LRRIQ1: variants seen among roughly 807,000 people sequenced by gnomAD.
LRRIQ1 encodes leucine-rich repeat- and IQ domain-containing protein 1.
Under a neutral mutation model 211.9 loss-of-function variants are expected in LRRIQ1, and 210 were observed. That is an observed-to-expected ratio of 0.99 (90% confidence interval 0.89 to 1.11). The LOEUF (loss-of-function observed/expected upper bound fraction) is 1.11. LRRIQ1 is among the 50% of genes most tolerant of loss of function. The probability of loss-of-function intolerance (pLI) is 0.00; values close to 1 mark genes in which losing one functional copy is unlikely to be tolerated. For missense variants in LRRIQ1, 2,136 were observed against 1,939.5 expected (o/e 1.10, Z -1.90); for synonymous variants, 699 against 650.1 (o/e 1.08, Z -1.14).
chr12:85,150,179 G>A (rs1031246701), intron 19 of LRRIQ1, among the ~76,000 whole-genome samples: 8 of 151,644 alleles, frequency 5.3e-5, no homozygotes, highest in East Asian at 1.9e-4. Flanking sequence ...AGTGCTGGTC[G>A]TTTTCCATAA....
intron 2 of LRRIQ1, 67 bp from the exon 3 acceptor site, chr12:85,040,423 C>A: frequency 1.1e-6 from 1 of 912,164 alleles, no homozygotes; most frequent in South Asian, 2.0e-5. Context: ...AATGAAGGGT[C>A]CAAAATTTGA....
Position 85,124,124 on chromosome 12 carries a change from G to T in LRRIQ1, c.3612G>T (p.Leu1204Phe). Residue 1204 changes from leucine to phenylalanine, a missense_variant, in exon 17 of 27, where the codon TTG (leucine) becomes TTT (phenylalanine). By Grantham distance (22) the Leu-to-Phe change is conservative (BLOSUM62 0). Coordinates refer to ENST00000393217, the MANE Select transcript of LRRIQ1 (RefSeq NM_001079910.2). ...ATCTCTGTCATTATTTTAAGAAATTGATGATACTTAGTACTGAATACCGAC... is the reference window on the plus strand; with the variant it reads ...ATCTCTGTCATTATTTTAAGAAATTTATGATACTTAGTACTGAATACCGAC... ...AENLCHYFKK[L>F]MILSTEYRHA... 2 of 1,613,866 alleles carry T rather than the reference G, an allele frequency of 1.2e-6. No individual in the cohort carries two copies. The highest frequency in any genetic ancestry group is 1.1e-5 in the South Asian group (1 of 91,074).
chr12:85,272,259 T>A, the LRRIQ1 span, among the ~76,000 whole-genome samples: 1 of 152,140 alleles, frequency 6.6e-6, no homozygotes, highest in African/African-American at 2.4e-5. Flanking sequence ...AGCTAAATAT[T>A]CAAAGTTTTA....
At chr12:85,141,809 TTGTTCTA>T (rs1889562166) in intron 19 of LRRIQ1, among the ~76,000 whole-genome samples, 1 of 151,254 alleles carries the variant, frequency 6.6e-6, no homozygotes, top group Admixed American at 6.6e-5. Flanking sequence ...TGTTTTCTAT[TTGTTCTA>T]TGTTGATTTT....
intron 18 of LRRIQ1, among the ~76,000 whole-genome samples, chr12:85,130,622 C>G (rs1011316): frequency 2.6e-5 from 4 of 151,896 alleles, no homozygotes; most frequent in Non-Finnish European, 5.9e-5. Context: ...TATTACTTCA[C>G]ATCATTGAAG....
intron 1 of LRRIQ1, among the ~76,000 whole-genome samples, chr12:85,256,315 TTTAG>T (rs1234821046): frequency 6.6e-6 from 1 of 151,726 alleles, no homozygotes; most frequent in Non-Finnish European, 1.5e-5. Flanking sequence ...ACTGTAATAT[TTTAG>T]TTCTTATCCA....
intron 18 of LRRIQ1, among the ~76,000 whole-genome samples, chr12:85,131,837 G>A (rs1004509382): frequency 2.0e-5 from 3 of 152,100 alleles, no homozygotes; most frequent in East Asian, 3.9e-4. Context: ...GAGAAAGAGA[G>A]ATGAGTTAAT....
chr12:85,229,732 A>G (rs1177573859), intron 25 of LRRIQ1, 83 bp downstream of exon 25: 1 of 1,419,178 alleles, frequency 7.0e-7, no homozygotes, highest in Non-Finnish European at 9.7e-7. Flanking sequence ...TGCTAAAACA[A>G]ACATGACTTT....
intron 19 of LRRIQ1, among the ~76,000 whole-genome samples, chr12:85,144,948 G>GT (rs1027031691): frequency 3.3e-5 from 5 of 150,554 alleles, no homozygotes; most frequent in South Asian, 2.1e-4. Flanking sequence ...TTTGTTTTTT[G>GT]TTTTTTTGTT....
At chr12:85,142,090 G>A (rs201358126) in intron 19 of LRRIQ1, among the ~76,000 whole-genome samples, 2 of 151,278 alleles carry the variant, frequency 1.3e-5, no homozygotes, top group East Asian at 3.9e-4. Context: ...TAGAATTCTA[G>A]TTAGGCTTTC....
intron 24 of LRRIQ1, among the ~76,000 whole-genome samples, chr12:85,206,200 T>C (rs1893537237): frequency 6.6e-6 from 1 of 152,182 alleles, no homozygotes; most frequent in Non-Finnish European, 1.5e-5. Flanking sequence ...GTAATGGCAG[T>C]GCTGAGTTGC....
chr12:85,092,858 T>C (rs1023972399), intron 11 of LRRIQ1, among the ~76,000 whole-genome samples: 2 of 152,216 alleles, frequency 1.3e-5, no homozygotes, highest in Non-Finnish European at 2.9e-5. Flanking sequence ...TCCTTTGCTA[T>C]TGATGAAGAG....
chr12:85,141,090 T>C (rs1889501839), intron 19 of LRRIQ1, among the ~76,000 whole-genome samples: 1 of 151,340 alleles, frequency 6.6e-6, no homozygotes, highest in African/African-American at 2.4e-5. Flanking sequence ...ATACATTTTG[T>C]TGGGAAGTGT....
In LRRIQ1 at chr12:85,232,685, T is replaced by C. The variant is rs776990534; in HGVS notation, c.4956-11T>C. ...CATTATAAAATACTTTCTGTTTTTG[T>C]CACTATGCAGCAATCACTTTTTGCC... On this transcript the variant is annotated splice_polypyrimidine_tract_variant and intron_variant, in intron 25 of 26. Transcript: ENST00000393217. 1.2e-6 allele frequency: 2 copies of C among 1,606,492 alleles called. No homozygotes were observed. The highest frequency in any genetic ancestry group is 1.7e-6 in the Non-Finnish European group (2 of 1,174,334).
In LRRIQ1 at chr12:85,105,595, GTTGAACATTGTAGATAATTCTACA is replaced by G. The variant is rs537581007; in HGVS notation, c.3284-910_3284-887del. Among the ~76,000 whole-genome samples the G allele has an allele frequency of 7.1e-3, 1,080 of 151,990 alleles. 8 individuals are homozygous for G. Among genetic ancestry groups the G allele is most frequent in the African/African-American group, 0.025 (1,052 of 41,456 alleles). On this transcript the variant is annotated intron_variant, in intron 14 of 26. Coordinates refer to ENST00000393217, the MANE Select transcript of LRRIQ1 (RefSeq NM_001079910.2). ...GATGTCTAGTAAATTTTAACTATTT[GTTGAACATTGTAGATAATTCTACA>G]TTGAACATTGTAGATAGTTCAGTAA...
chr12:85,198,737 T>G (rs1893140153), intron 24 of LRRIQ1, among the ~76,000 whole-genome samples: 2 of 152,014 alleles, frequency 1.3e-5, no homozygotes, highest in South Asian at 4.2e-4. Context: ...TCGGCTAATT[T>G]TTTTGTATTT....
intron 24 of LRRIQ1, among the ~76,000 whole-genome samples, chr12:85,210,966 C>G (rs1174957285): frequency 6.6e-6 from 1 of 152,208 alleles, no homozygotes; most frequent in Non-Finnish European, 1.5e-5. Flanking sequence ...ATAACACAAA[C>G]CAACCATGTG....
In LRRIQ1 at chr12:85,099,314, G is replaced by A. The variant is rs576645921; in HGVS notation, c.3209+320G>A. 1.1e-4 allele frequency among the ~76,000 whole-genome samples: 17 copies of A among 151,854 alleles called. No individual in the cohort carries two copies. In the South Asian group the frequency reaches 3.5e-3, roughly 32 times the overall value. Reference sequence around the variant, plus strand: ...CGGAGCATAGTCCTTGGAAAATACAGGAGGTAGTTAATTTAATTCAGAAGG... The same window carrying A: ...CGGAGCATAGTCCTTGGAAAATACAAGAGGTAGTTAATTTAATTCAGAAGG... On this transcript the variant is annotated intron_variant, in intron 13 of 26. Transcript: ENST00000393217.
In LRRIQ1 at chr12:85,127,995, A is replaced by G. The variant is rs765021512; in HGVS notation, c.4171A>G (p.Ile1391Val). 6.2e-7 allele frequency: 1 copy of G among 1,613,242 alleles called. No homozygotes were observed. The highest frequency in any genetic ancestry group is 8.5e-7 in the Non-Finnish European group (1 of 1,179,166). The change falls in exon 18 of 27, where the codon ATC becomes GTC. Residue 1391 changes from isoleucine to valine, a missense_variant. Ile to Val is a conservative substitution (Grantham distance 29). Transcript: ENST00000393217. ...AGGAAAAAGAGAAAATATTGTGAAT[A>G]TCCGAAAACAGAGGGAGAAGGCTGC... The part of the protein sequence containing the change: ...KKGKRENIVN[I>V]RKQREKAAIL...
Sources: gnomAD v4.1 joint callset for allele counts (sites outside exome capture counted in the v4.1 genomes callset) on GRCh38, gnomAD v4.1.1 for gene constraint, MANE v1.5 for transcripts, NCBI Gene and HGNC (gene_info 2026-07-23, HGNC 2026-07-21) for gene names.